Variants in LRRTM4 observed in about 807,000 individuals in gnomAD.
The protein encoded by LRRTM4 is leucine rich repeat transmembrane neuronal 4.
A neutral mutation model predicts 47.6 loss-of-function variants in LRRTM4; 25 were observed. The ratio of observed to expected loss-of-function variants is 0.53; its 90% CI spans 0.38 to 0.73. The LOEUF (loss-of-function observed/expected upper bound fraction) is 0.73. Among genes scored for constraint, LRRTM4 ranks in the 30% least tolerant of loss-of-function variants. The pLI is 0.00. For synonymous variants in LRRTM4, 311 were observed against 269.5 expected (o/e 1.15, Z -1.51); for missense variants, 638 against 713.4 (o/e 0.89, Z 1.20).
chr2:76,847,919 T>G, intron 3 of LRRTM4, among the ~76,000 whole-genome samples: 1 of 152,170 alleles, frequency 6.6e-6, no homozygotes, highest in East Asian at 1.9e-4. Context: ...GTAAACATTT[T>G]TGAGTGTTCC....
intron 3 of LRRTM4, among the ~76,000 whole-genome samples, chr2:77,150,501 A>T (rs1420649566): frequency 6.6e-5 from 10 of 152,322 alleles, no homozygotes; most frequent in African/African-American, 2.2e-4. Context: ...TTTATGAGAA[A>T]GGTCCAGAAG....
chr2:76,788,010 T>A (rs888712093), intron 3 of LRRTM4, among the ~76,000 whole-genome samples: 2 of 152,182 alleles, frequency 1.3e-5, no homozygotes, highest in African/African-American at 4.8e-5. Context: ...AGTTAATATA[T>A]GTAAAAACAA....
chr2:76,819,595 A>C, intron 3 of LRRTM4, among the ~76,000 whole-genome samples: 1 of 151,862 alleles, frequency 6.6e-6, no homozygotes, highest in East Asian at 1.9e-4. Flanking sequence ...TTTCAAGATA[A>C]TTTTGAATAA....
intron 3 of LRRTM4, among the ~76,000 whole-genome samples, chr2:77,087,465 G>A (rs916522766): frequency 6.6e-6 from 1 of 152,172 alleles, no homozygotes; most frequent in African/African-American, 2.4e-5. Flanking sequence ...AAATTTCCCA[G>A]GTTGGTAGTA....
intron 3 of LRRTM4, among the ~76,000 whole-genome samples, chr2:77,184,133 T>C: frequency 6.6e-6 from 1 of 151,762 alleles, no homozygotes; most frequent in South Asian, 2.1e-4. Flanking sequence ...TCAGAATATA[T>C]CTAGTAAAGT....
intron 3 of LRRTM4, among the ~76,000 whole-genome samples, chr2:77,332,753 TG>T (rs1671017125): frequency 6.6e-6 from 1 of 152,210 alleles, no homozygotes; most frequent in South Asian, 2.1e-4. Flanking sequence ...AGTCACTAAT[TG>T]TTTTACTGCA....
chr2:76,803,425 A>G (rs1170193970), intron 3 of LRRTM4, among the ~76,000 whole-genome samples: 1 of 152,154 alleles, frequency 6.6e-6, no homozygotes, highest in East Asian at 1.9e-4. Flanking sequence ...TAAAATGGCT[A>G]TTATAAGAAA....
intron 3 of LRRTM4, among the ~76,000 whole-genome samples, chr2:76,769,492 G>C (rs1673593355): frequency 1.3e-5 from 2 of 151,492 alleles, no homozygotes; most frequent in African/African-American, 4.9e-5. Context: ...TTTCGGATTT[G>C]AGACGTCTCT....
intron 3 of LRRTM4, among the ~76,000 whole-genome samples, chr2:77,318,435 C>T (rs1289900370): frequency 2.0e-5 from 3 of 152,158 alleles, no homozygotes; most frequent in African/African-American, 4.8e-5. Flanking sequence ...CATTTATGGA[C>T]TTCACAACAC....
intron 3 of LRRTM4, among the ~76,000 whole-genome samples, chr2:77,030,107 A>G (rs1678601030): frequency 6.6e-6 from 1 of 152,230 alleles, no homozygotes; most frequent in African/African-American, 2.4e-5. Flanking sequence ...AGTTCCAATT[A>G]TCACAGATTT....
rs1048906071 is a variant in LRRTM4 at position 77,038,079 on chromosome 2, T to C, written c.1552-289163A>G. Among the ~76,000 whole-genome samples, 5 of 151,758 alleles carry C rather than the reference T, an allele frequency of 3.3e-5. No homozygotes were observed. In the South Asian group the frequency reaches 1.0e-3, roughly 31 times the overall value. Reference sequence around the variant, plus strand: ...GTGATGTGCCCATCTGTTTCTTTTGTAGACTTCTTTTCTTCCTAAATATTT... The same window carrying C: ...GTGATGTGCCCATCTGTTTCTTTTGCAGACTTCTTTTCTTCCTAAATATTT... On this transcript the variant is annotated intron_variant, in intron 3 of 3. Transcript: ENST00000409884.
At chr2:76,946,886 A>G (rs1435459963) in intron 3 of LRRTM4, among the ~76,000 whole-genome samples, 1 of 151,914 alleles carries the variant, frequency 6.6e-6, no homozygotes, top group African/African-American at 2.4e-5. Context: ...TATTTGAAAT[A>G]TGTCTGGTCT....
chr2:76,752,184 G>A (rs1558632221), intron 3 of LRRTM4, among the ~76,000 whole-genome samples: 1 of 152,074 alleles, frequency 6.6e-6, no homozygotes, highest in Non-Finnish European at 1.5e-5. Context: ...GGATCTTTTT[G>A]CACAACCAGG....
chr2:77,404,640 T>G (rs965684606), intron 3 of LRRTM4, among the ~76,000 whole-genome samples: 2 of 152,118 alleles, frequency 1.3e-5, no homozygotes, highest in African/African-American at 4.8e-5. Context: ...TAATTATAGT[T>G]TGACCTCTCA....
At chr2:77,290,403 G>C (rs1489476316) in intron 3 of LRRTM4, among the ~76,000 whole-genome samples, 2 of 151,930 alleles carry the variant, frequency 1.3e-5, no homozygotes, top group African/African-American at 4.8e-5. Flanking sequence ...GCTGGGAAGG[G>C]TATAGGGAGG....
chr2:76,846,343 G>T (rs1218940469), intron 3 of LRRTM4, among the ~76,000 whole-genome samples: 1 of 152,034 alleles, frequency 6.6e-6, no homozygotes, highest in African/African-American at 2.4e-5. Flanking sequence ...AAGTTGCCCT[G>T]GTCCCGGTGC....
At chr2:77,515,508 C>A (rs1679172790) in intron 3 of LRRTM4, among the ~76,000 whole-genome samples, 2 of 151,682 alleles carry the variant, frequency 1.3e-5, no homozygotes, top group Non-Finnish European at 2.9e-5. Flanking sequence ...ATTTTTATTT[C>A]TTCAAGGCAC....
chr2:77,222,124 T>C (rs1176319511), intron 3 of LRRTM4, among the ~76,000 whole-genome samples: 1 of 152,028 alleles, frequency 6.6e-6, no homozygotes, highest in Non-Finnish European at 1.5e-5. Context: ...CATAAGGAAA[T>C]GAAGGCAGAA....
chr2:77,003,145 T>C (rs17013579), intron 3 of LRRTM4, among the ~76,000 whole-genome samples: 3,996 of 150,976 alleles, frequency 0.026, 215 homozygotes, highest in African/African-American at 0.092. Context: ...GAAACTCCCT[T>C]ATTCTGTAAC....
Sources: allele counts gnomAD v4.1 joint callset (sites outside exome capture counted in the v4.1 genomes callset), GRCh38; gene constraint gnomAD v4.1.1; transcripts MANE v1.5; gene names NCBI Gene and HGNC (gene_info 2026-07-23, HGNC 2026-07-21).